Variants in CANX observed in about 807,000 individuals in gnomAD.
CANX encodes epididymis secretory sperm binding protein.
In CANX, 14 loss-of-function variants were observed where a neutral mutation model predicts 75.7. The observed-to-expected ratio is 0.19, with a 90% CI of 0.12 to 0.29. The LOEUF is 0.29. Ranked by LOEUF, CANX falls within the 10% of genes least tolerant of loss-of-function variation. CANX has a pLI of 1.00. For missense variants in CANX, 567 were observed against 713.2 expected (o/e 0.79, Z 2.34); for synonymous variants, 227 against 236.9 (o/e 0.96, Z 0.38).
chr5:179,717,453 A>G (rs1778034632), intron 8 of CANX, among the ~76,000 whole-genome samples: 1 of 152,218 alleles, frequency 6.6e-6, no homozygotes, highest in Admixed American at 6.5e-5. Flanking sequence ...TTCATATAAA[A>G]TGGAATCATA....
intron 1 of CANX, among the ~76,000 whole-genome samples, chr5:179,703,525 A>G (rs1776913836): frequency 6.6e-6 from 1 of 152,060 alleles, no homozygotes; most frequent in Non-Finnish European, 1.5e-5. Context: ...ACTTAGCTTC[A>G]ACCTGTCAGA....
chr5:179,679,847 C>G (rs931768091), intron 1 of CANX, among the ~76,000 whole-genome samples: 2 of 151,178 alleles, frequency 1.3e-5, no homozygotes, highest in Non-Finnish European at 2.9e-5. Flanking sequence ...TTAGTGAAGA[C>G]GGGGTTTCAC....
chr5:179,709,195 C>T (rs563396983), intron 6 of CANX, 136 bp downstream of exon 6: 4 of 606,950 alleles, frequency 6.6e-6, no homozygotes, highest in South Asian at 3.6e-5. Flanking sequence ...GCAGGCGGAT[C>T]ACGAGGTCAG....
chr5:179,696,267 C>CTTTTTTT (rs34048949), upstream of CANX, among the ~76,000 whole-genome samples: 14 of 56,734 alleles, frequency 2.5e-4, no homozygotes, highest in African/African-American at 7.1e-4. Context: ...AGTGTCATTT[C>CTTTTTTT]TTTTTTTTTT....
At chr5:179,698,616 G>A (rs1176169164), upstream of CANX, 6 of 1,284,918 alleles carry the variant, frequency 4.7e-6, no homozygotes, top group East Asian at 1.7e-4. Flanking sequence ...GAGGGCTACT[G>A]GGGGTTGGGT....
At chr5:179,720,814 C>G (rs977020145) in intron 10 of CANX, among the ~76,000 whole-genome samples, 2 of 151,920 alleles carry the variant, frequency 1.3e-5, no homozygotes, top group Admixed American at 6.6e-5. Context: ...GATGGAGTTT[C>G]GCTCTTCTAC....
At chr5:179,715,008 A>G (rs571123529) in intron 7 of CANX, among the ~76,000 whole-genome samples, 51 of 150,258 alleles carry the variant, frequency 3.4e-4, no homozygotes, top group Non-Finnish European at 6.8e-4. Context: ...CAAGTGATCC[A>G]CCTGCGTTAG....
At chr5:179,683,309 T>TGTA (rs1346658496) in intron 1 of CANX, among the ~76,000 whole-genome samples, 1 of 151,508 alleles carries the variant, frequency 6.6e-6, no homozygotes, top group Non-Finnish European at 1.5e-5. Flanking sequence ...TTGTATTTTT[T>TGTA]TTTTTAGTAG....
intron 1 of CANX, among the ~76,000 whole-genome samples, chr5:179,686,323 C>A (rs1776190736): frequency 6.6e-6 from 1 of 151,792 alleles, no homozygotes; most frequent in East Asian, 1.9e-4. Context: ...GTCTTGAACT[C>A]CTGACTTCAA....
At chr5:179,698,106 A>G (rs1334888063), upstream of CANX, among the ~76,000 whole-genome samples, 1 of 152,124 alleles carries the variant, frequency 6.6e-6, no homozygotes, top group African/African-American at 2.4e-5. Context: ...GGTCTAGAAA[A>G]ACCCTGGGCC....
chr5:179,691,227 G>A (rs546786451), intron 1 of CANX, among the ~76,000 whole-genome samples: 90 of 152,030 alleles, frequency 5.9e-4, no homozygotes, highest in African/African-American at 2.0e-3. Context: ...GTTTCGCCTC[G>A]TTGGCCAGGC....
In CANX at chr5:179,689,536, C is replaced by T. The variant is rs374532529; in HGVS notation, c.-4+10759C>T. 5.3e-4 allele frequency among the ~76,000 whole-genome samples: 80 copies of T among 151,880 alleles called. 1 individual carries two copies. The South Asian group carries it at 5.6e-3, about 11-fold the overall frequency. On this transcript the variant is annotated intron_variant, in intron 1 of 14. Coordinates refer to the CANX transcript ENST00000681674. Reference sequence around the variant, plus strand: ...CTGAGTAGCTGGGATTATAGGCGTCCGCCACAATGCTTGGCTAATTTTTTG... The same window carrying T: ...CTGAGTAGCTGGGATTATAGGCGTCTGCCACAATGCTTGGCTAATTTTTTG...
At position 179,722,905 on chromosome 5, in the gene CANX, C is replaced by T; in HGVS notation, c.1284C>T (p.Ser428=). Residue 428 remains serine, a synonymous_variant, in exon 11 of 15, where the codon TCC becomes TCT. Transcript: ENST00000247461. ...PFSAIGLELW[S]MTSDIFFDNF... is the part of the protein sequence containing the mutation. ...GTGCTATTGGTTTGGAGCTGTGGTC[C>T]ATGACCTCTGACATTTTTTTTGACA... 6.2e-7 allele frequency: 1 copy of T among 1,613,672 alleles called. No individual in the cohort carries two copies.
In CANX at chr5:179,683,147, G is replaced by A. The variant is rs983804329; in HGVS notation, c.-4+4370G>A. Among the ~76,000 whole-genome samples the A allele has an allele frequency of 2.3e-5, 3 of 130,282 alleles. No individual in the cohort carries two copies. The South Asian group carries it at 8.9e-4, about 39-fold the overall frequency. 85.5% of individuals were successfully genotyped at this position (130,282 alleles called of 152,430 possible). The stretch of plus-strand genomic sequence containing the variant: ...TACATTTATTTATTTATTTATTTTT[G>A]AGACGGAGTCTCGCTCTGTCGCACA... On this transcript the variant is annotated intron_variant, in intron 1 of 14. Coordinates refer to the CANX transcript ENST00000681674.
chr5:179,692,860 A>C (rs11747219), intron 1 of CANX, among the ~76,000 whole-genome samples: 108,152 of 151,880 alleles, frequency 0.71, 40,986 homozygotes, highest in Non-Finnish European at 0.84. Context: ...AAAAGACAAA[A>C]CCTAGGCTGG....
At chr5:179,703,707 T>G (rs1225764638) in intron 1 of CANX, among the ~76,000 whole-genome samples, 3 of 149,834 alleles carry the variant, frequency 2.0e-5, no homozygotes, top group Admixed American at 6.7e-5. Flanking sequence ...GGAAATAAGG[T>G]CTTAATAGAG....
chr5:179,698,409 C>A, upstream of CANX: 1 of 1,255,228 alleles, frequency 8.0e-7, no homozygotes, highest in South Asian at 1.3e-5. Context: ...GCTCACACAG[C>A]GCGGAGCAGT....
rs974820142 is a variant in CANX, at chr5:179,679,335, A to G, written c.-4+558A>G. The G allele has an allele frequency of 2.3e-6, 3 of 1,310,524 alleles. No individual in the cohort carries two copies. The African/African-American group carries it at 4.4e-5, about 19-fold the overall frequency. The allele number at this position is 1,310,524 out of a possible 1,614,324, so 81.2% of individuals were successfully genotyped here. ...GCCTCTCAAACCGCGAGGCCGGCGG[A>G]CATGTCTTAGCCCTGCAGCTACGGC... On this transcript the variant is annotated intron_variant, in intron 1 of 14. Coordinates refer to the CANX transcript ENST00000681674.
intron 7 of CANX, among the ~76,000 whole-genome samples, chr5:179,713,665 C>T (rs1357671172): frequency 6.6e-6 from 1 of 152,050 alleles, no homozygotes; most frequent in East Asian, 1.9e-4. Context: ...GCCTATAATC[C>T]CTGCGCTTTT....
Sources: gnomAD v4.1 joint callset for allele counts (sites outside exome capture counted in the v4.1 genomes callset) on GRCh38, gnomAD v4.1.1 for gene constraint, MANE v1.5 for transcripts, NCBI Gene and HGNC (gene_info 2026-07-23, HGNC 2026-07-21) for gene names.